Variants in USP10 observed in about 807,000 individuals in gnomAD.
USP10 encodes ubiquitin specific peptidase 10, also known as ubiquitin carboxyl-terminal hydrolase 10.
A neutral mutation model predicts 84.5 loss-of-function variants in USP10; 22 were observed. That is an observed-to-expected ratio of 0.26 (90% confidence interval 0.19 to 0.37). The LOEUF (loss-of-function observed/expected upper bound fraction) is 0.37. Ranked by LOEUF, USP10 falls within the 10% of genes least tolerant of loss-of-function variation. USP10 has a pLI of 1.00. For missense variants in USP10, 1,019 were observed against 998.9 expected, an observed-to-expected ratio of 1.02 and a Z score of -0.27; for synonymous variants, 454 against 387.6, an observed-to-expected ratio of 1.17 and a Z score of -2.01.
At chr16:84,736,688 C>A (rs930021332) in intron 2 of USP10, among the ~76,000 whole-genome samples, 3 of 152,196 alleles carry the variant, frequency 2.0e-5, no homozygotes, top group Admixed American at 1.3e-4. Flanking sequence ...ATGACTGAGT[C>A]AATAAGCCCC....
chr16:84,777,343 G>A (rs774304), intron 13 of USP10, among the ~76,000 whole-genome samples: 59,068 of 152,036 alleles, frequency 0.39, 12,038 homozygotes, highest in African/African-American at 0.44. Flanking sequence ...AGGCCCTGCA[G>A]ATTCTACTGA....
At chr16:84,764,492 C>G (rs973324216) in intron 10 of USP10, among the ~76,000 whole-genome samples, 3 of 152,152 alleles carry the variant, frequency 2.0e-5, no homozygotes, top group Non-Finnish European at 4.4e-5. Flanking sequence ...CTCCTCCCTT[C>G]TACTCTGTCA....
intron 2 of USP10, among the ~76,000 whole-genome samples, chr16:84,739,971 G>T (rs1216713996): frequency 6.6e-6 from 1 of 152,178 alleles, no homozygotes; most frequent in African/African-American, 2.4e-5. Context: ...TGGTCTGGAT[G>T]GTCAGTCACT....
intron 4 of USP10, among the ~76,000 whole-genome samples, chr16:84,747,009 T>C (rs1298530179): frequency 6.6e-6 from 1 of 152,232 alleles, no homozygotes; most frequent in African/African-American, 2.4e-5. Context: ...AGCCTGGGCC[T>C]GCACAGGGTC....
At chr16:84,772,794 C>T in intron 12 of USP10, 109 bp downstream of exon 12, 3 of 1,381,930 alleles carry the variant, frequency 2.2e-6, no homozygotes, top group South Asian at 2.8e-5. Context: ...CATTCTCTTG[C>T]TGGACGTGGA....
At chr16:84,706,268 A>C (rs1054963053) in intron 1 of USP10, among the ~76,000 whole-genome samples, 1 of 152,120 alleles carries the variant, frequency 6.6e-6, no homozygotes, top group Non-Finnish European at 1.5e-5. Context: ...GGATTTGAAA[A>C]TGAAGTTCAA....
intron 2 of USP10, among the ~76,000 whole-genome samples, chr16:84,734,683 T>C (rs1485229365): frequency 1.3e-5 from 2 of 152,242 alleles, no homozygotes; most frequent in African/African-American, 4.8e-5. Context: ...TGTGGATTTT[T>C]AGTTTTAAAA....
intron 10 of USP10, among the ~76,000 whole-genome samples, chr16:84,766,198 G>A (rs1913842611): frequency 1.3e-5 from 2 of 152,262 alleles, no homozygotes; most frequent in South Asian, 2.1e-4. Context: ...GACGCCCTCA[G>A]AAGCTGGTTT....
intron 1 of USP10, among the ~76,000 whole-genome samples, chr16:84,712,006 C>G (rs1597276402): frequency 6.6e-6 from 1 of 152,142 alleles, no homozygotes; most frequent in African/African-American, 2.4e-5. Context: ...AGGCATGAGC[C>G]ACCGCGCCCG....
intron 1 of USP10, among the ~76,000 whole-genome samples, chr16:84,717,108 C>T (rs745799832): frequency 3.3e-5 from 5 of 152,166 alleles, no homozygotes; most frequent in Non-Finnish European, 7.3e-5. Flanking sequence ...GGGCCCTGTG[C>T]GCTGTCTGAG....
intron 4 of USP10, among the ~76,000 whole-genome samples, chr16:84,747,658 G>C (rs977259616): frequency 6.8e-6 from 1 of 146,364 alleles, no homozygotes; most frequent in South Asian, 2.1e-4. Flanking sequence ...CCGCCTCCTG[G>C]GTTCAAGTGA....
At chr16:84,757,402 G>GTGTGTGTGT (rs1555546471) in intron 4 of USP10, among the ~76,000 whole-genome samples, 293 of 82,838 alleles carry the variant, frequency 3.5e-3, no homozygotes, top group South Asian at 0.014. Context: ...GAGGGGTGGG[G>GTGTGTGTGT]GTGTGTGTGT....
chr16:84,747,137 A>C (rs2150826556), intron 4 of USP10, among the ~76,000 whole-genome samples: 1 of 152,324 alleles, frequency 6.6e-6, no homozygotes, highest in Non-Finnish European at 1.5e-5. Context: ...GACTGTACGT[A>C]CCTAAGAAGC....
intron 1 of USP10, among the ~76,000 whole-genome samples, chr16:84,728,554 C>T (rs982462068): frequency 1.3e-5 from 2 of 152,088 alleles, no homozygotes; most frequent in Non-Finnish European, 2.9e-5. Flanking sequence ...TGGTCTCAAT[C>T]TCCTGACCTC....
At chr16:84,730,299 A>G (rs1909042567) in intron 1 of USP10, among the ~76,000 whole-genome samples, 1 of 152,124 alleles carries the variant, frequency 6.6e-6, no homozygotes, top group African/African-American at 2.4e-5. Context: ...TTTTACACCG[A>G]GAGTGCTTTC....
intron 1 of USP10, among the ~76,000 whole-genome samples, chr16:84,713,346 C>T (rs546938114): frequency 6.6e-6 from 1 of 152,194 alleles, no homozygotes; most frequent in East Asian, 1.9e-4. Flanking sequence ...GTCTCTGTGC[C>T]TGGGCCATCT....
chr16:84,770,826 C>T (rs556584215), intron 11 of USP10, among the ~76,000 whole-genome samples: 2 of 149,330 alleles, frequency 1.3e-5, no homozygotes, highest in Admixed American at 6.7e-5. Flanking sequence ...CCAGCATTTT[C>T]GGAGGCTGAG....
chr16:84,745,543 C>G lies in USP10; in HGVS notation c.1062C>G (p.Ser354=), dbSNP rs776073506. ...TTCATGATTCTAAGCCCTCTTCCTC[C>G]TCGCCGGTGGCCTATGTGGAAACTA... ...SLFHDSKPSS[S]SPVAYVETKY... is the part of the protein sequence containing the mutation. Residue 354 remains serine, a synonymous_variant, in exon 4 of 14, where the codon TCC becomes TCG. Coordinates refer to ENST00000219473, the MANE Select transcript of USP10 (RefSeq NM_005153.3). 3.1e-6 allele frequency: 5 copies of G among 1,612,646 alleles called. No individual in the cohort carries two copies. The highest frequency in any genetic ancestry group is 1.3e-5 in the African/African-American group (1 of 74,898).
chr16:84,733,021 C>T, intron 1 of USP10: 2 of 436,370 alleles, frequency 4.6e-6, no homozygotes, highest in South Asian at 1.7e-5. Context: ...CCTTGTCTTC[C>T]CATTTGAACC....
Sources: allele counts gnomAD v4.1 joint callset (sites outside exome capture counted in the v4.1 genomes callset), GRCh38; gene constraint gnomAD v4.1.1; transcripts MANE v1.5; gene names NCBI Gene and HGNC (gene_info 2026-07-23, HGNC 2026-07-21).